Variants in TNFSF15 observed in about 807,000 individuals in gnomAD.
TNFSF15 encodes the protein TNF superfamily member 15, also known as tumor necrosis factor ligand superfamily member 15.
A neutral mutation model predicts 26.4 loss-of-function variants in TNFSF15; 15 were observed. The ratio of observed to expected loss-of-function variants is 0.57; its 90% CI spans 0.38 to 0.87. The LOEUF is 0.87. TNFSF15 is among the 40% of genes least tolerant of loss of function. The pLI, the probability that TNFSF15 is intolerant of heterozygous loss-of-function variation, is 0.00. For synonymous variants in TNFSF15, 116 were observed against 115.0 expected (o/e 1.01, Z -0.06); for missense variants, 290 against 306.1 (o/e 0.95, Z 0.39).
chr9:114,796,629 G>C (rs769362251), intron 1 of TNFSF15, among the ~76,000 whole-genome samples: 14 of 152,180 alleles, frequency 9.2e-5, no homozygotes, highest in Non-Finnish European at 1.3e-4. Flanking sequence ...GCAGGTACTA[G>C]CCAGGTGATA....
At chr9:114,792,282 A>C in intron 3 of TNFSF15, 125 bp downstream of exon 3, 2 of 1,035,704 alleles carry the variant, frequency 1.9e-6, no homozygotes, top group Non-Finnish European at 2.8e-6. Context: ...TATTGAGGGG[A>C]GGAGTCTCTT....
chr9:114,790,302 G>A lies in TNFSF15; in HGVS notation c.*150C>T. 1 of 720,974 alleles carries A rather than the reference G, an allele frequency of 1.4e-6. No individual in the cohort carries two copies. The highest frequency in any genetic ancestry group is 2.3e-6 in the Non-Finnish European group (1 of 442,486). 44.7% of individuals were successfully genotyped at this position (720,974 alleles called of 1,614,324 possible). On this transcript the variant is annotated 3_prime_UTR_variant, in exon 4 of 4. Transcript: ENST00000374045. ...TAAGGCACATGAAGTGTGAAATTTT[G>A]GGCCCCAAATTTCATAGCTAAACCG... is the stretch of plus-strand genomic sequence containing the variant.
In TNFSF15 at chr9:114,787,216, G is replaced by A. The variant is rs1211987039; in HGVS notation, c.*3236C>T. The A allele has an allele frequency of 1.3e-5, 2 of 152,056 alleles. No homozygotes were observed. Among genetic ancestry groups the A allele is most frequent in the Non-Finnish European group, 2.9e-5 (2 of 68,006 alleles). The allele number at this position is 152,056 out of a possible 1,614,324, so 9.4% of individuals were successfully genotyped here. On this transcript the variant is annotated 3_prime_UTR_variant, in exon 4 of 4. Coordinates refer to ENST00000374045, the MANE Select transcript of TNFSF15 (RefSeq NM_005118.4). Reference sequence around the variant, plus strand: ...GAACTTTTTTACCTTCTTGATTTATGGAAAACTATCCTTGAGTAGCTATTT... The same window carrying A: ...GAACTTTTTTACCTTCTTGATTTATAGAAAACTATCCTTGAGTAGCTATTT...
At chr9:114,793,887 G>T (rs1234529157) in intron 1 of TNFSF15, among the ~76,000 whole-genome samples, 2 of 152,066 alleles carry the variant, frequency 1.3e-5, no homozygotes, top group Non-Finnish European at 2.9e-5. Context: ...TTTGTTATTT[G>T]AACAAATAAT....
At position 114,794,731 on chromosome 9, in the gene TNFSF15, G is replaced by A. The variant is rs551757605; in HGVS notation, c.211-1163C>T. 3.3e-5 allele frequency among the ~76,000 whole-genome samples: 5 copies of A among 152,292 alleles called. 1 individual carries two copies. The South Asian group carries it at 1.0e-3, about 32-fold the overall frequency. On this transcript the variant is annotated intron_variant, in intron 1 of 3. Coordinates refer to ENST00000374045, the MANE Select transcript of TNFSF15 (RefSeq NM_005118.4). Reference sequence around the variant, plus strand: ...AAATCACGTTATTTGCAGCAACATGGATAGAACTGGAGGTCATTATGTTAA... The same window carrying A: ...AAATCACGTTATTTGCAGCAACATGAATAGAACTGGAGGTCATTATGTTAA...
chr9:114,797,489 A>T (rs910480248), intron 1 of TNFSF15, among the ~76,000 whole-genome samples: 9 of 152,228 alleles, frequency 5.9e-5, no homozygotes, highest in African/African-American at 1.9e-4. Context: ...CTATCACAGG[A>T]GGAAAATTAT....
rs1026884340 is a variant in TNFSF15, at chr9:114,786,854, G to A, written c.*3598C>T. Reference sequence around the variant, plus strand: ...GTGAACCTGGGAGGCAGAGGTTGCAGTGAACTGAGATCCTGCCACTGCACT... The same window carrying A: ...GTGAACCTGGGAGGCAGAGGTTGCAATGAACTGAGATCCTGCCACTGCACT... On this transcript the variant is annotated 3_prime_UTR_variant, in exon 4 of 4. Coordinates refer to ENST00000374045, the MANE Select transcript of TNFSF15 (RefSeq NM_005118.4). The A allele has an allele frequency of 7.0e-6, 1 of 142,626 alleles. No homozygotes were observed. Among genetic ancestry groups the A allele is most frequent in the Non-Finnish European group, 1.5e-5 (1 of 66,342 alleles). 8.8% of individuals were successfully genotyped at this position (142,626 alleles called of 1,614,324 possible).
At chr9:114,798,887 A>T (rs1390060390) in intron 1 of TNFSF15, among the ~76,000 whole-genome samples, 1 of 152,212 alleles carries the variant, frequency 6.6e-6, no homozygotes, top group Non-Finnish European at 1.5e-5. Flanking sequence ...CTATTCATAA[A>T]CAGGGAGAGA....
In TNFSF15 at chr9:114,786,558, C is replaced by T. The variant is rs960075931; in HGVS notation, c.*3894G>A. 1 of 152,066 alleles carries T rather than the reference C, an allele frequency of 6.6e-6. No individual in the cohort carries two copies. Among genetic ancestry groups the T allele is most frequent in the Non-Finnish European group, 1.5e-5 (1 of 68,020 alleles). The allele number at this position is 152,066 out of a possible 1,614,324, so 9.4% of individuals were successfully genotyped here. A position where few individuals can be genotyped will look rare whatever the true frequency, so the allele number is the denominator to read the frequency against. On this transcript the variant is annotated 3_prime_UTR_variant, in exon 4 of 4. Coordinates refer to ENST00000374045, the MANE Select transcript of TNFSF15 (RefSeq NM_005118.4). ...TGGTGTGCTCTATTATTGATTCAACCTGACATATTTCAGGAAGTGAAAACG... is the reference window on the plus strand; with the variant it reads ...TGGTGTGCTCTATTATTGATTCAACTTGACATATTTCAGGAAGTGAAAACG...
chr9:114,802,289 G>A (rs998815894), intron 1 of TNFSF15, among the ~76,000 whole-genome samples: 4 of 152,174 alleles, frequency 2.6e-5, no homozygotes, highest in African/African-American at 9.7e-5. Flanking sequence ...GTCTTGCTCT[G>A]TCACCCAGGC....
rs1395704495 is a variant in TNFSF15, at chr9:114,786,060, C to T, written c.*4392G>A. The stretch of plus-strand genomic sequence containing the variant: ...GGGTGACGGGGCATGGAGGTGATGG[C>T]TCTGATCCACATTCTCTCACCACTG... On this transcript the variant is annotated 3_prime_UTR_variant, in exon 4 of 4. Transcript: ENST00000374045. The T allele has an allele frequency of 6.6e-6, 1 of 152,292 alleles. No homozygotes were observed. Among genetic ancestry groups the T allele is most frequent in the Non-Finnish European group, 1.5e-5 (1 of 68,028 alleles). 9.4% of individuals were successfully genotyped at this position (152,292 alleles called of 1,614,324 possible). A position where few individuals can be genotyped will look rare whatever the true frequency, so the allele number is the denominator to read the frequency against.
intron 1 of TNFSF15, among the ~76,000 whole-genome samples, chr9:114,797,037 G>A (rs540969498): frequency 1.5e-4 from 23 of 152,332 alleles, no homozygotes; most frequent in Middle Eastern, 6.8e-3. Flanking sequence ...TTCTCAAAGA[G>A]AATCAGAGAG....
intron 1 of TNFSF15, among the ~76,000 whole-genome samples, chr9:114,793,867 T>C (rs1234376674): frequency 6.6e-6 from 1 of 152,226 alleles, no homozygotes; most frequent in East Asian, 1.9e-4. Flanking sequence ...CTCAGCATCT[T>C]GTCTATGCTT....
At chr9:114,793,683 C>A in intron 1 of TNFSF15, 115 bp from the exon 2 acceptor site, 1 of 927,420 alleles carries the variant, frequency 1.1e-6, no homozygotes, top group East Asian at 2.5e-5. Context: ...CCTGGGTACT[C>A]TGTGATGAGG....
In TNFSF15 at chr9:114,790,702, C is replaced by T. The variant is rs557041991; in HGVS notation, c.506G>A (p.Gly169Asp). ...GATGGAGTCTGGCTTGTTTGGTCGG[C>T]CTGCTTGTCTGATTTCACTGCACTC... is the stretch of plus-strand genomic sequence containing the variant. ...TSECSEIRQA[G>D]RPNKPDSITV... is the part of the protein sequence containing the mutation. The change falls in exon 4 of 4, where the codon GGC becomes GAC. Residue 169 changes from glycine to aspartate, a missense_variant. Around this residue, in one of 3 missense-constraint regions of TNFSF15, gnomAD observed 102 missense variants for 114.7 expected, o/e 0.89. Transcript: ENST00000374045. 6.2e-7 allele frequency: 1 copy of T among 1,613,962 alleles called. No homozygotes were observed. Among genetic ancestry groups the T allele is most frequent in the African/African-American group, 1.3e-5 (1 of 74,982 alleles).
intron 1 of TNFSF15, among the ~76,000 whole-genome samples, chr9:114,796,738 G>T (rs114191751): frequency 1.3e-5 from 2 of 152,088 alleles, no homozygotes; most frequent in Non-Finnish European, 2.9e-5. Context: ...GTATGGATAC[G>T]ACATGTAAGG....
At position 114,789,122 on chromosome 9, in the gene TNFSF15, C is replaced by T. The variant is rs1267380197; in HGVS notation, c.*1330G>A. 2 of 152,166 alleles carry T rather than the reference C, an allele frequency of 1.3e-5. No individual in the cohort carries two copies. The highest frequency in any genetic ancestry group is 4.8e-5 in the African/African-American group (2 of 41,436). The allele number at this position is 152,166 out of a possible 1,614,324, so 9.4% of individuals were successfully genotyped here. A position where few individuals can be genotyped will look rare whatever the true frequency, so the allele number is the denominator to read the frequency against. On this transcript the variant is annotated 3_prime_UTR_variant, in exon 4 of 4. Transcript: ENST00000374045. ...TTTTCCCTTCCCCCATGGAATAAGT[C>T]CATTGTCTCTCAGCATCAAACAAGT...
intron 1 of TNFSF15, among the ~76,000 whole-genome samples, chr9:114,799,319 C>T (rs1050823409): frequency 2.0e-5 from 3 of 152,152 alleles, no homozygotes; most frequent in African/African-American, 7.2e-5. Context: ...CTCAGAAAGG[C>T]CACATATATA....
intron 3 of TNFSF15, 113 bp from the exon 4 acceptor site, chr9:114,791,019 GC>G: frequency 1.0e-6 from 1 of 952,858 alleles, no homozygotes; most frequent in South Asian, 1.7e-5. Context: ...ATACCTAACA[GC>G]TAAAAACTGC....
Sources: allele counts gnomAD v4.1 joint callset (sites outside exome capture counted in the v4.1 genomes callset), GRCh38; gene constraint gnomAD v4.1.1; regional missense constraint gnomAD v4.1.1; transcripts MANE v1.5; gene names NCBI Gene and HGNC (gene_info 2026-07-23, HGNC 2026-07-21).